The following DIP2B variants were observed in gnomAD, a reference collection of about 807,000 sequenced individuals.
DIP2B encodes disco-interacting protein 2 homolog B.
In DIP2B, 76 loss-of-function variants were observed where a neutral mutation model predicts 198.0. That is an observed-to-expected ratio of 0.38 (90% CI 0.32 to 0.46). The LOEUF (loss-of-function observed/expected upper bound fraction) is 0.46. DIP2B is among the 20% of genes least tolerant of loss of function. The pLI is 0.99. For synonymous variants in DIP2B, 701 were observed against 739.1 expected (o/e 0.95, Z 0.84); for missense variants, 1,559 against 1,978.4 (o/e 0.79, Z 4.02).
rs377624105 is a variant in DIP2B at position 50,507,254 on chromosome 12, A to G, written c.100+2014A>G. On this transcript the variant is annotated intron_variant, in intron 1 of 37. Transcript: ENST00000301180. ...AGATATACTACACTTCTTGTATTTC[A>G]TTTGTTTTAGCAATGGATGACTGGA... 2.1e-4 allele frequency among the ~76,000 whole-genome samples: 32 copies of G among 152,298 alleles called. 2 individuals carry two copies. The South Asian group carries it at 6.4e-3, about 31-fold the overall frequency.
At chr12:50,642,767 C>T (rs1350229355) in intron 3 of DIP2B, among the ~76,000 whole-genome samples, 5 of 152,022 alleles carry the variant, frequency 3.3e-5, no homozygotes, top group African/African-American at 7.2e-5. Flanking sequence ...CCAGCCTGGG[C>T]GACTGAGCGA....
chr12:50,617,159 C>CTTTT (rs63059261), intron 1 of DIP2B, among the ~76,000 whole-genome samples: 1 of 142,772 alleles, frequency 7.0e-6, no homozygotes, highest in South Asian at 2.2e-4. Context: ...GATCTTTTTG[C>CTTTT]TTTTTTTTTT....
intron 9 of DIP2B, among the ~76,000 whole-genome samples, chr12:50,681,836 C>T (rs1592125320): frequency 2.0e-5 from 3 of 152,264 alleles, no homozygotes; most frequent in Admixed American, 2.0e-4. Context: ...CTCCTGAACC[C>T]TAAGCAGGTG....
chr12:50,539,614 G>C (rs1958301672), intron 1 of DIP2B, among the ~76,000 whole-genome samples: 3 of 44,492 alleles, frequency 6.7e-5, no homozygotes, highest in African/African-American at 1.3e-4. Context: ...GAAATACTCT[G>C]TCTCAAAAAA....
At chr12:50,508,609 C>T (rs758693852) in intron 1 of DIP2B, among the ~76,000 whole-genome samples, 2 of 152,046 alleles carry the variant, frequency 1.3e-5, no homozygotes, top group African/African-American at 4.8e-5. Context: ...TAATAAGTGT[C>T]GTTATCCTAA....
chr12:50,656,131 G>C (rs1340884714), intron 3 of DIP2B, among the ~76,000 whole-genome samples: 1 of 152,068 alleles, frequency 6.6e-6, no homozygotes, highest in Non-Finnish European at 1.5e-5. Flanking sequence ...TGGAAATGGA[G>C]GTATTAATAT....
Position 50,741,504 on chromosome 12 carries a change from C to T in DIP2B, c.4443C>T (p.Thr1481=), listed in dbSNP as rs1298383301. 2 of 1,613,956 alleles carry T rather than the reference C, an allele frequency of 1.2e-6. No individual in the cohort carries two copies. Among genetic ancestry groups the T allele is most frequent in the Admixed American group, 3.3e-5 (2 of 60,004 alleles). The change falls in exon 37 of 38, where the codon ACC becomes ACT. Residue 1481 remains threonine, a synonymous_variant. Transcript: ENST00000301180. ...GLRYHPIDIE[T]SVSRIHRSIA... ...GATACCACCCAATTGATATTGAGAC[C>T]TCGGTGTCCCGGATCCACAGAAGCA...
chr12:50,564,032 A>C (rs1227317921), intron 1 of DIP2B, among the ~76,000 whole-genome samples: 1 of 151,700 alleles, frequency 6.6e-6, no homozygotes, highest in Non-Finnish European at 1.5e-5. Context: ...TTCTGTTCCT[A>C]TTTCCCCATA....
chr12:50,627,117 C>A (rs1593667232), intron 2 of DIP2B, among the ~76,000 whole-genome samples: 1 of 152,138 alleles, frequency 6.6e-6, no homozygotes, highest in African/African-American at 2.4e-5. Context: ...TTTTGCTGAG[C>A]AAGGCATGAC....
In DIP2B at chr12:50,699,103, G is replaced by C; in HGVS notation, c.2226G>C (p.Gln742His). 6.2e-7 allele frequency: 1 copy of C among 1,614,190 alleles called. No individual in the cohort carries two copies. Among genetic ancestry groups the C allele is most frequent in the South Asian group, 1.1e-5 (1 of 91,088 alleles). ...MCIVKPDGPP[Q>H]LCKTDEIGEI... ...TTGTGAAACCAGATGGACCTCCCCA[G>C]CTCTGCAAAACAGATGAAATTGGAG... The change falls in exon 19 of 38, where the codon CAG (glutamine) becomes CAC (histidine). Residue 742 changes from glutamine (Q) to histidine (H), a missense_variant. Gln to His is a conservative substitution (Grantham distance 24). Transcript: ENST00000301180.
chr12:50,552,988 A>G (rs2139388441), intron 1 of DIP2B, among the ~76,000 whole-genome samples: 1 of 152,172 alleles, frequency 6.6e-6, no homozygotes, highest in South Asian at 2.1e-4. Context: ...GGTGTGCGCC[A>G]CCATGCCCGG....
In DIP2B at chr12:50,514,367, A is replaced by G. The variant is rs571165829; in HGVS notation, c.100+9127A>G. 2.6e-5 allele frequency among the ~76,000 whole-genome samples: 4 copies of G among 152,078 alleles called. No homozygotes were observed. In the South Asian group the frequency reaches 8.3e-4, roughly 32 times the overall value. On this transcript the variant is annotated intron_variant, in intron 1 of 37. Coordinates refer to ENST00000301180, the MANE Select transcript of DIP2B (RefSeq NM_173602.3). ...GGTGTGAGCCACTGCACCCGGTTGC[A>G]TTATCACCTTTCATTCTCACTAGTT... is the stretch of plus-strand genomic sequence containing the variant.
Position 50,718,967 on chromosome 12 carries a change from G to A in DIP2B, c.2974G>A (p.Ala992Thr). Residue 992 changes from alanine to threonine, a missense_variant, in exon 25 of 38, where the codon GCA (alanine) becomes ACA (threonine). Ala to Thr is a moderately conservative substitution (Grantham distance 58). Transcript: ENST00000301180. ...NDLVRKHQFL[A>T]EILQWRAQAT... Reference sequence around the variant, plus strand: ...TTTATGACTTCAGCACCAGTTTCTGGCAGAGATCCTACAGTGGCGAGCCCA... The same window carrying A: ...TTTATGACTTCAGCACCAGTTTCTGACAGAGATCCTACAGTGGCGAGCCCA... 1.2e-6 allele frequency: 2 copies of A among 1,614,114 alleles called. No homozygotes were observed. The highest frequency in any genetic ancestry group is 1.3e-5 in the African/African-American group (1 of 75,016).
intron 30 of DIP2B, among the ~76,000 whole-genome samples, chr12:50,730,861 A>G (rs936091446): frequency 2.6e-5 from 4 of 152,204 alleles, no homozygotes; most frequent in African/African-American, 9.6e-5. Context: ...TCAGTGAAGC[A>G]CTACCACTCC....
At chr12:50,684,919 C>T (rs902076455) in intron 10 of DIP2B, among the ~76,000 whole-genome samples, 3 of 152,088 alleles carry the variant, frequency 2.0e-5, no homozygotes, top group African/African-American at 7.3e-5. Context: ...TGACGAAACC[C>T]TGTCTCTACT....
chr12:50,577,887 ATTC>A (rs1285192966), intron 1 of DIP2B, among the ~76,000 whole-genome samples: 1 of 152,182 alleles, frequency 6.6e-6, no homozygotes, highest in Non-Finnish European at 1.5e-5. Context: ...AACTGTGGTT[ATTC>A]TTCTGTGATA....
intron 37 of DIP2B, among the ~76,000 whole-genome samples, chr12:50,742,171 G>C (rs1353043665): frequency 6.6e-6 from 1 of 151,932 alleles, no homozygotes; most frequent in African/African-American, 2.4e-5. Context: ...GCCAAGGCGG[G>C]CGGATCGCTT....
chr12:50,609,144 TA>T (rs200281756), intron 1 of DIP2B, among the ~76,000 whole-genome samples: 90 of 150,150 alleles, frequency 6.0e-4, no homozygotes, highest in African/African-American at 1.9e-3. Context: ...AAAAAAATAA[TA>T]AAAAAAAAAT....
At chr12:50,660,993 T>C (rs962696429) in intron 4 of DIP2B, among the ~76,000 whole-genome samples, 4 of 152,188 alleles carry the variant, frequency 2.6e-5, no homozygotes, top group African/African-American at 4.8e-5. Flanking sequence ...AAGGTAAATT[T>C]AAAGAGTTAT....
Sources: gnomAD v4.1 joint callset for allele counts (sites outside exome capture counted in the v4.1 genomes callset) on GRCh38, gnomAD v4.1.1 for gene constraint, MANE v1.5 for transcripts, NCBI Gene and HGNC (gene_info 2026-07-23, HGNC 2026-07-21) for gene names.